Variants in TLK1 observed in about 807,000 individuals in gnomAD.
TLK1 encodes the protein serine/threonine-protein kinase tousled-like 1.
A neutral mutation model predicts 105.3 loss-of-function variants in TLK1; 24 were observed. The ratio of observed to expected loss-of-function variants is 0.23; its 90% CI spans 0.17 to 0.32. TLK1 has a LOEUF of 0.32. TLK1 is among the 10% of genes least tolerant of loss of function. The pLI is 1.00. For missense variants in TLK1, 558 were observed against 910.5 expected (o/e 0.61, Z 4.98); for synonymous variants, 321 against 310.4 (o/e 1.03, Z -0.36).
chr2:171,033,133 G>A (rs565293114), intron 11 of TLK1, among the ~76,000 whole-genome samples: 1 of 152,050 alleles, frequency 6.6e-6, no homozygotes, highest in African/African-American at 2.4e-5. Flanking sequence ...TTAAACCTGG[G>A]AGGCAGAGGT....
intron 1 of TLK1, among the ~76,000 whole-genome samples, chr2:171,147,249 A>G (rs760351912): frequency 2.6e-5 from 4 of 152,222 alleles, no homozygotes; most frequent in East Asian, 3.8e-4. Flanking sequence ...AACTATGCCA[A>G]TAAGTTTTCT....
intron 1 of TLK1, among the ~76,000 whole-genome samples, chr2:171,144,137 T>G (rs1444282096): frequency 2.0e-5 from 3 of 151,484 alleles, no homozygotes; most frequent in Non-Finnish European, 4.4e-5. Context: ...GATATAAGAA[T>G]TCTAATCACT....
rs1692406039 is a variant in TLK1 at position 171,160,136 on chromosome 2, G to A, written c.139+154C>T. 6.6e-6 allele frequency among the ~76,000 whole-genome samples: 1 copy of A among 151,930 alleles called. No homozygotes were observed. The highest frequency in any genetic ancestry group is 2.4e-5 in the African/African-American group (1 of 41,374). ...GCCAGGGCACTACCTCCCCAGAGCC[G>A]GGGAGCCGGGCGGCCTCGCGTCCAC... is the stretch of plus-strand genomic sequence containing the variant. On this transcript the variant is annotated intron_variant, in intron 1 of 20. Coordinates refer to ENST00000431350, the MANE Select transcript of TLK1 (RefSeq NM_012290.5). The surrounding 1 kb of genome is among the most constrained non-coding windows in gnomAD (Gnocchi z 4.4).
At chr2:171,133,246 C>T (rs1293023201) in intron 1 of TLK1, among the ~76,000 whole-genome samples, 3 of 152,056 alleles carry the variant, frequency 2.0e-5, no homozygotes, top group Admixed American at 6.6e-5. Context: ...AAATAGGAGC[C>T]TAACTAGAAC....
At chr2:171,055,946 T>C (rs1182793253) in intron 6 of TLK1, among the ~76,000 whole-genome samples, 1 of 151,982 alleles carries the variant, frequency 6.6e-6, no homozygotes, top group Non-Finnish European at 1.5e-5. Flanking sequence ...AAAAATGAAA[T>C]CCAATATGCA....
chr2:170,997,368 G>T (rs1467860995), intron 19 of TLK1, among the ~76,000 whole-genome samples: 7 of 152,132 alleles, frequency 4.6e-5, no homozygotes, highest in Non-Finnish European at 1.0e-4. Flanking sequence ...AGGCCAAACT[G>T]TGTGTGTGGG....
intron 1 of TLK1, among the ~76,000 whole-genome samples, chr2:171,168,975 G>A (rs549773499): frequency 1.3e-5 from 2 of 152,262 alleles, no homozygotes; most frequent in South Asian, 2.1e-4. Context: ...CTACTTGGGA[G>A]GCTGAGGCAG....
intron 1 of TLK1, among the ~76,000 whole-genome samples, chr2:171,166,003 G>A (rs748609260): frequency 6.6e-6 from 1 of 151,836 alleles, no homozygotes; most frequent in Non-Finnish European, 1.5e-5. Flanking sequence ...AATGTCCTGG[G>A]AGAAGATTAT....
intron 2 of TLK1, among the ~76,000 whole-genome samples, chr2:171,090,483 T>A (rs567769040): frequency 5.9e-5 from 9 of 152,320 alleles, no homozygotes; most frequent in African/African-American, 1.9e-4. Context: ...TGAACATTCA[T>A]TGAGTGTACT....
chr2:171,004,613 G>A (rs185149840), intron 18 of TLK1, among the ~76,000 whole-genome samples: 283 of 152,242 alleles, frequency 1.9e-3, no homozygotes, highest in Non-Finnish European at 3.5e-3. Flanking sequence ...CCCTATACTA[G>A]TGAAGCCAGA....
intron 11 of TLK1, among the ~76,000 whole-genome samples, chr2:171,037,600 T>A (rs1474361934): frequency 1.3e-5 from 2 of 152,066 alleles, no homozygotes; most frequent in South Asian, 4.2e-4. Flanking sequence ...ATCTAATTTT[T>A]TAAAATTTTT....
intron 1 of TLK1, among the ~76,000 whole-genome samples, chr2:171,220,641 T>C (rs930020191): frequency 5.3e-5 from 8 of 152,080 alleles, no homozygotes; most frequent in Admixed American, 5.2e-4. Context: ...AGCAAGCCTT[T>C]AGAGGACTGC....
intron 1 of TLK1, among the ~76,000 whole-genome samples, chr2:171,215,355 A>C (rs918772460): frequency 6.6e-6 from 1 of 152,206 alleles, no homozygotes; most frequent in Non-Finnish European, 1.5e-5. Context: ...AGTTTCCAAC[A>C]CAAATACAGA....
intron 3 of TLK1, among the ~76,000 whole-genome samples, chr2:171,077,419 T>G (rs1688561418): frequency 6.6e-6 from 1 of 152,230 alleles, no homozygotes; most frequent in African/African-American, 2.4e-5. Context: ...ATGTCAAGCC[T>G]GTCTGACTCT....
intron 7 of TLK1, 127 bp from the exon 8 acceptor site, chr2:171,053,980 C>G (rs147878132): frequency 2.7e-5 from 19 of 692,864 alleles, no homozygotes; most frequent in Admixed American, 2.2e-4. Context: ...TAAAGTGAAT[C>G]TCAAAAAGTT....
intron 11 of TLK1, chr2:171,045,414 G>A (rs1204149594): frequency 1.1e-4 from 1 of 8,744 alleles, no homozygotes; most frequent in African/African-American, 1.3e-4. Context: ...ATTTTCAGTA[G>A]AGACGGGGTT....
intron 2 of TLK1, among the ~76,000 whole-genome samples, chr2:171,099,150 A>G (rs1024731516): frequency 6.6e-6 from 1 of 152,348 alleles, no homozygotes; most frequent in South Asian, 2.1e-4. Context: ...ATTAAAGCTA[A>G]TAAGTTCAGA....
At chr2:170,995,295 A>G (rs1684001201) in intron 20 of TLK1, among the ~76,000 whole-genome samples, 1 of 152,156 alleles carries the variant, frequency 6.6e-6, no homozygotes, top group South Asian at 2.1e-4. Flanking sequence ...TGGCAAAGGT[A>G]TCTTCTGTAG....
At chr2:171,197,773 T>C (rs539392190) in intron 1 of TLK1, among the ~76,000 whole-genome samples, 1 of 131,062 alleles carries the variant, frequency 7.6e-6, no homozygotes, top group Non-Finnish European at 1.7e-5. Flanking sequence ...AGTGAGACTC[T>C]GTCTCAAAAA....
Sources: gnomAD v4.1 joint callset for allele counts (sites outside exome capture counted in the v4.1 genomes callset) on GRCh38, gnomAD v4.1.1 for gene constraint, Gnocchi (gnomAD v3.1) non-coding constraint, MANE v1.5 for transcripts, NCBI Gene and HGNC (gene_info 2026-07-23, HGNC 2026-07-21) for gene names.